DIAPH3: variants seen among roughly 807,000 people sequenced by gnomAD.
DIAPH3 encodes the protein protein diaphanous homolog 3.
DIAPH3 carries 117 observed loss-of-function variants against 144.3 expected under a neutral mutation model. The ratio of observed to expected loss-of-function variants is 0.81; its 90% CI spans 0.70 to 0.95. The LOEUF is 0.95. DIAPH3 is among the 40% of genes least tolerant of loss of function. The pLI is 0.00. For missense variants in DIAPH3, 1,421 were observed against 1,412.7 expected, an observed-to-expected ratio of 1.01 and a Z score of -0.09; for synonymous variants, 519 against 488.9, an observed-to-expected ratio of 1.06 and a Z score of -0.81.
chr13:59,970,084 A>C, intron 16 of DIAPH3, 26 bp from the exon 17 acceptor site: 1 of 1,374,934 alleles, frequency 7.3e-7, no homozygotes, highest in South Asian at 1.2e-5. Context: ...AGACTGATTC[A>C]TCAATAGGTG....
At chr13:60,024,716 A>C (rs1214382779) in intron 5 of DIAPH3, among the ~76,000 whole-genome samples, 3 of 152,156 alleles carry the variant, frequency 2.0e-5, no homozygotes, top group African/African-American at 7.2e-5. Context: ...AAGATTCTAA[A>C]TCTTATATAA....
At chr13:60,023,850 CT>C (rs35707483) in intron 5 of DIAPH3, among the ~76,000 whole-genome samples, 142 of 68,876 alleles carry the variant, frequency 2.1e-3, no homozygotes, top group East Asian at 0.014. Flanking sequence ...ACTATTCAGC[CT>C]TTTTTTTTTT....
rs401057 is a variant in DIAPH3 at position 59,970,358 on chromosome 13, T to C, written c.1960-300A>G. On this transcript the variant is annotated intron_variant, in intron 16 of 27. Coordinates refer to ENST00000400324, the MANE Select transcript of DIAPH3 (RefSeq NM_001042517.2). ...TCTTCACCTGCACTATACATTTTGG[T>C]GGGCAGGACACATTATACAGCATTT... 0.68 allele frequency among the ~76,000 whole-genome samples: 102,915 copies of C among 152,070 alleles called. 35,564 individuals are homozygous for C. The highest frequency in any genetic ancestry group is 0.76 in the Admixed American group (11,542 of 15,258).
At chr13:60,035,614 A>C (rs1341293185) in intron 5 of DIAPH3, among the ~76,000 whole-genome samples, 1 of 152,232 alleles carries the variant, frequency 6.6e-6, no homozygotes, top group African/African-American at 2.4e-5. Flanking sequence ...TTAAAATTAG[A>C]AGGTATTTTC....
At chr13:60,091,918 C>G (rs2137897129) in intron 4 of DIAPH3, among the ~76,000 whole-genome samples, 1 of 152,032 alleles carries the variant, frequency 6.6e-6, no homozygotes, top group African/African-American at 2.4e-5. Context: ...TCGAAGTTCA[C>G]TGCAGCCTCG....
At chr13:59,947,505 T>C (rs1040734185) in intron 17 of DIAPH3, among the ~76,000 whole-genome samples, 1 of 152,166 alleles carries the variant, frequency 6.6e-6, no homozygotes, top group African/African-American at 2.4e-5. Flanking sequence ...AAATTTGTGA[T>C]TTAATTTAAA....
intron 10 of DIAPH3, 46 bp from the exon 11 acceptor site, chr13:59,992,232 T>C: frequency 6.8e-7 from 1 of 1,478,626 alleles, no homozygotes; most frequent in Non-Finnish European, 9.4e-7. Context: ...TTGTTTTTAA[T>C]TATGCAAAAG....
At chr13:60,109,024 G>C (rs1026131332) in intron 3 of DIAPH3, among the ~76,000 whole-genome samples, 4 of 152,126 alleles carry the variant, frequency 2.6e-5, no homozygotes, top group African/African-American at 9.7e-5. Flanking sequence ...CAATATAAAA[G>C]ATATTCTCCA....
chr13:59,697,772 C>T (rs1238500685), intron 27 of DIAPH3, among the ~76,000 whole-genome samples: 1 of 152,066 alleles, frequency 6.6e-6, no homozygotes, highest in East Asian at 1.9e-4. Context: ...AAAAGATTAC[C>T]TATTGATAAA....
intron 22 of DIAPH3, among the ~76,000 whole-genome samples, chr13:59,840,992 G>C (rs1478565600): frequency 6.6e-6 from 1 of 151,992 alleles, no homozygotes; most frequent in African/African-American, 2.4e-5. Flanking sequence ...GCTCATAGTG[G>C]TAACATATAT....
chr13:60,093,494 G>C, intron 4 of DIAPH3, 134 bp downstream of exon 4: 1 of 647,446 alleles, frequency 1.5e-6, no homozygotes, highest in Non-Finnish European at 2.8e-6. Context: ...TAATATACTT[G>C]TGCCCTTAAT....
At chr13:59,858,847 A>C (rs1351146985) in intron 22 of DIAPH3, among the ~76,000 whole-genome samples, 1 of 152,190 alleles carries the variant, frequency 6.6e-6, no homozygotes, top group East Asian at 1.9e-4. Flanking sequence ...TTAGAAAAGA[A>C]GCAGTCCTAA....
chr13:60,000,077 C>T (rs143846701), intron 9 of DIAPH3, among the ~76,000 whole-genome samples: 4 of 152,166 alleles, frequency 2.6e-5, no homozygotes, highest in Admixed American at 1.3e-4. Context: ...CTATGAGATA[C>T]GGGTTAAGAC....
chr13:60,124,637 A>T (rs752576657), intron 2 of DIAPH3, among the ~76,000 whole-genome samples: 14 of 152,044 alleles, frequency 9.2e-5, no homozygotes, highest in Non-Finnish European at 1.9e-4. Context: ...TCAAGGGAAA[A>T]GCGGACAATA....
chr13:60,016,178 T>C (rs771475603), intron 5 of DIAPH3, 33 bp from the exon 6 acceptor site: 9 of 1,590,712 alleles, frequency 5.7e-6, no homozygotes, highest in Non-Finnish European at 7.8e-6. Flanking sequence ...TTACACATTG[T>C]CAGTAACGCA....
intron 5 of DIAPH3, among the ~76,000 whole-genome samples, chr13:60,041,728 G>A (rs1278592393): frequency 6.6e-6 from 1 of 152,098 alleles, no homozygotes; most frequent in African/African-American, 2.4e-5. Flanking sequence ...TTCTTATGCA[G>A]AAATAATCAT....
In DIAPH3 at chr13:59,776,929, AAAAC is replaced by A. The variant is rs143031528; in HGVS notation, c.3164-2110_3164-2107del. On this transcript the variant is annotated intron_variant, in intron 25 of 27. Coordinates refer to ENST00000400324, the MANE Select transcript of DIAPH3 (RefSeq NM_001042517.2). The stretch of plus-strand genomic sequence containing the variant: ...ATGTAAGCTCAAGGCTTAACAAAAC[AAAAC>A]AAACAAACAAACAAACAAAAAAACC... Among the ~76,000 whole-genome samples, 305 of 146,400 alleles carry A rather than the reference AAAAC, an allele frequency of 2.1e-3. 2 individuals are homozygous for A. The highest frequency in any genetic ancestry group is 5.8e-3 in the Admixed American group (87 of 15,080).
chr13:59,785,337 G>A lies in DIAPH3; in HGVS notation c.3164-10514C>T, dbSNP rs565574661. 7.9e-5 allele frequency among the ~76,000 whole-genome samples: 12 copies of A among 152,228 alleles called. No individual in the cohort carries two copies. In the South Asian group the frequency reaches 8.3e-4, roughly 11 times the overall value. On this transcript the variant is annotated intron_variant, in intron 25 of 27. Coordinates refer to ENST00000400324, the MANE Select transcript of DIAPH3 (RefSeq NM_001042517.2). ...GAGAAAAAATTAGAATATTTTACAA[G>A]AAAGGAAGTTTTATTTATTTTTTCC...
intron 24 of DIAPH3, among the ~76,000 whole-genome samples, chr13:59,811,736 CAAAAAA>C (rs59712985): frequency 1.8e-5 from 1 of 56,764 alleles, no homozygotes; most frequent in Non-Finnish European, 3.6e-5. Context: ...GACTCTGTCT[CAAAAAA>C]AAAAAAAAAA....
Sources: allele counts gnomAD v4.1 joint callset (sites outside exome capture counted in the v4.1 genomes callset), GRCh38; gene constraint gnomAD v4.1.1; transcripts MANE v1.5; gene names NCBI Gene and HGNC (gene_info 2026-07-23, HGNC 2026-07-21).